ST3GAL3: variants seen among roughly 807,000 people sequenced by gnomAD.
ST3GAL3 encodes CMP-N-acetylneuraminate-beta-1,4-galactoside alpha-2,3-sialyltransferase.
In ST3GAL3, 21 loss-of-function variants were observed where a neutral mutation model predicts 50.1. The ratio of observed to expected loss-of-function variants is 0.42; its 90% CI spans 0.30 to 0.60. The LOEUF (loss-of-function observed/expected upper bound fraction) is 0.60, where lower values mean the gene tolerates loss of function less well. Among genes scored for constraint, ST3GAL3 ranks in the 20% least tolerant of loss-of-function variants. The pLI is 0.19. For missense variants in ST3GAL3, 353 were observed against 489.4 expected (o/e 0.72, Z 2.63); for synonymous variants, 183 against 190.0 (o/e 0.96, Z 0.30).
Position 43,707,538 on chromosome 1 carries a change from T to C in ST3GAL3, c.-186T>C. The C allele has an allele frequency of 6.6e-6, 1 of 151,754 alleles. No homozygotes were observed. The highest frequency in any genetic ancestry group is 1.9e-4 in the East Asian group (1 of 5,156). 9.4% of individuals were successfully genotyped at this position (151,754 alleles called of 1,614,324 possible). A position where few individuals can be genotyped will look rare whatever the true frequency, so the allele number is the denominator to read the frequency against. ...CGCGGCCGCGCGCTCCGCCCGCCGC[T>C]GCGTCCCCACTATGGCGGCGCCCAT... is the stretch of plus-strand genomic sequence containing the variant. On this transcript the variant is annotated 5_prime_UTR_variant, in exon 1 of 12. Coordinates refer to ENST00000347631, the MANE Select transcript of ST3GAL3 (RefSeq NM_006279.5).
intron 4 of ST3GAL3, among the ~76,000 whole-genome samples, chr1:43,826,102 CA>C (rs561426369): frequency 3.1e-4 from 42 of 136,038 alleles, no homozygotes; most frequent in African/African-American, 6.2e-4. Context: ...CTCGTCTCTT[CA>C]AAAAAAAAAA....
intron 9 of ST3GAL3, among the ~76,000 whole-genome samples, chr1:43,905,835 C>T (rs989426890): frequency 4.8e-4 from 63 of 131,910 alleles, no homozygotes; most frequent in South Asian, 5.5e-4. Flanking sequence ...TACCACTCTT[C>T]TTTCTCCTCC....
chr1:43,888,558 A>C (rs1413727497), intron 5 of ST3GAL3, among the ~76,000 whole-genome samples: 1 of 152,164 alleles, frequency 6.6e-6, no homozygotes, highest in East Asian at 1.9e-4. Flanking sequence ...TAAATATATA[A>C]AGAACTTTAA....
intron 2 of ST3GAL3, among the ~76,000 whole-genome samples, chr1:43,748,613 G>A (rs1684839547): frequency 6.6e-6 from 1 of 151,870 alleles, no homozygotes; most frequent in Non-Finnish European, 1.5e-5. Context: ...TATAAAGACA[G>A]GGTTTTACAT....
chr1:43,764,761 G>C (rs1365347594), intron 2 of ST3GAL3, among the ~76,000 whole-genome samples: 2 of 152,214 alleles, frequency 1.3e-5, no homozygotes, highest in Non-Finnish European at 2.9e-5. Context: ...CCCAGGAAGG[G>C]GCATGGCCGT....
At chr1:43,919,423 CG>C (rs1490974553) in intron 9 of ST3GAL3, 1 of 152,248 alleles carries the variant, frequency 6.6e-6, no homozygotes, top group Non-Finnish European at 1.5e-5. Context: ...GGTTGGAGCC[CG>C]TGGTTTGGCA....
chr1:43,798,979 G>A (rs528820441), intron 3 of ST3GAL3, among the ~76,000 whole-genome samples: 1 of 152,338 alleles, frequency 6.6e-6, no homozygotes, highest in Admixed American at 6.5e-5. Flanking sequence ...TGGAGTAACT[G>A]CAGTCATTTA....
At chr1:43,720,400 C>T (rs568418577) in intron 1 of ST3GAL3, 20 of 152,268 alleles carry the variant, frequency 1.3e-4, no homozygotes, top group African/African-American at 4.8e-4. Flanking sequence ...TCTAGGTGTC[C>T]TAGTCCATTT....
intron 11 of ST3GAL3, among the ~76,000 whole-genome samples, chr1:43,922,804 G>GGA (rs2083273158): frequency 8.9e-6 from 1 of 111,944 alleles, no homozygotes; most frequent in Non-Finnish European, 1.7e-5. Context: ...TCTCAAAAAA[G>GGA]AAAAAAAAAA....
Position 43,758,129 on chromosome 1 carries a change from TTATAC to T in ST3GAL3, c.118+21761_118+21765del, listed in dbSNP as rs374617475. Among the ~76,000 whole-genome samples the T allele has an allele frequency of 1.6e-3, 238 of 151,482 alleles. 1 individual carries two copies. Among genetic ancestry groups the T allele is most frequent in the African/African-American group, 5.5e-3 (227 of 41,196 alleles). ...TTAAAACCACAATAAGACACTACTC[TTATAC>T]TATACTATACTCCATTGGCTGCATA... is the stretch of plus-strand genomic sequence containing the variant. On this transcript the variant is annotated intron_variant, in intron 2 of 11. Transcript: ENST00000347631.
At chr1:43,835,129 T>C (rs2064122596) in intron 4 of ST3GAL3, among the ~76,000 whole-genome samples, 1 of 152,084 alleles carries the variant, frequency 6.6e-6, no homozygotes, top group African/African-American at 2.4e-5. Flanking sequence ...ATGCTAAATC[T>C]CCCAAAATGA....
intron 2 of ST3GAL3, among the ~76,000 whole-genome samples, chr1:43,741,964 G>A (rs772954235): frequency 6.6e-6 from 1 of 152,184 alleles, no homozygotes; most frequent in East Asian, 1.9e-4. Context: ...AATCTGTGGG[G>A]TGGACCATCA....
At chr1:43,891,492 C>G (rs1310574003) in intron 5 of ST3GAL3, among the ~76,000 whole-genome samples, 6 of 152,102 alleles carry the variant, frequency 3.9e-5, no homozygotes, top group Non-Finnish European at 8.8e-5. Context: ...TCACTTGAAC[C>G]CAGGAGGCAG....
intron 5 of ST3GAL3, among the ~76,000 whole-genome samples, chr1:43,857,794 T>G (rs1186392866): frequency 6.6e-6 from 1 of 152,004 alleles, no homozygotes; most frequent in Non-Finnish European, 1.5e-5. Flanking sequence ...TTTTGTATCT[T>G]TAGTAGAAGC....
intron 1 of ST3GAL3, chr1:43,720,369 C>T (rs1669814348): frequency 6.6e-6 from 1 of 152,170 alleles, no homozygotes; most frequent in Non-Finnish European, 1.5e-5. Flanking sequence ...ATAGAATTAC[C>T]ATACAACCAG....
chr1:43,838,415 A>G (rs972559911), intron 5 of ST3GAL3, 104 bp downstream of exon 5: 1 of 1,079,020 alleles, frequency 9.3e-7, no homozygotes, highest in Admixed American at 1.7e-5. Flanking sequence ...ATGCTCTGGA[A>G]ACCATGGGTT....
intron 11 of ST3GAL3, among the ~76,000 whole-genome samples, chr1:43,924,597 G>A (rs1467094371): frequency 6.6e-6 from 1 of 152,150 alleles, no homozygotes; most frequent in Non-Finnish European, 1.5e-5. Flanking sequence ...GAAGGAGAGG[G>A]GGCGAGGCAG....
At chr1:43,788,822 T>C (rs2057679982) in intron 2 of ST3GAL3, among the ~76,000 whole-genome samples, 1 of 152,044 alleles carries the variant, frequency 6.6e-6, no homozygotes, top group Non-Finnish European at 1.5e-5. Context: ...TAGTGCAGTA[T>C]AATGAATGCC....
chr1:43,902,871 C>T (rs61770290), intron 9 of ST3GAL3, among the ~76,000 whole-genome samples: 5,062 of 152,246 alleles, frequency 0.033, 119 homozygotes, highest in Non-Finnish European at 0.052. Flanking sequence ...CCTGGGAATA[C>T]AAAGAGGAAT....
Sources: gnomAD v4.1 joint callset for allele counts (sites outside exome capture counted in the v4.1 genomes callset) on GRCh38, gnomAD v4.1.1 for gene constraint, MANE v1.5 for transcripts, NCBI Gene and HGNC (gene_info 2026-07-23, HGNC 2026-07-21) for gene names.